The following TENM2 variants were observed in gnomAD, a reference collection of about 807,000 sequenced individuals.
TENM2 encodes the protein teneurin-2.
Under a neutral mutation model 245.2 loss-of-function variants are expected in TENM2, and 52 were observed. The observed-to-expected ratio is 0.21, with a 90% CI of 0.17 to 0.27. The LOEUF (loss-of-function observed/expected upper bound fraction) is 0.27, where lower values mean the gene tolerates loss of function less well. Ranked by LOEUF, TENM2 falls within the 10% of genes least tolerant of loss-of-function variation. TENM2 has a pLI of 1.00. For missense variants in TENM2, 3,046 were observed against 3,666.8 expected, an observed-to-expected ratio of 0.83 and a Z score of 4.37; for synonymous variants, 1,363 against 1,438.9, an observed-to-expected ratio of 0.95 and a Z score of 1.19.
At chr5:167,398,434 A>G (rs1381563846) in intron 2 of TENM2, among the ~76,000 whole-genome samples, 3 of 65,610 alleles carry the variant, frequency 4.6e-5, no homozygotes, top group Admixed American at 1.7e-4. Flanking sequence ...CTTTCTTACT[A>G]TTTTTTTTTT....
At chr5:167,686,513 G>A (rs775531088) in intron 2 of TENM2, among the ~76,000 whole-genome samples, 17 of 152,136 alleles carry the variant, frequency 1.1e-4, no homozygotes, top group Non-Finnish European at 2.1e-4. Flanking sequence ...CTGGTTCACC[G>A]AGGGCTTTAA....
chr5:167,429,610 T>C lies in TENM2; in HGVS notation c.502+54137T>C, dbSNP rs988082683. On this transcript the variant is annotated intron_variant, in intron 2 of 28. Transcript: ENST00000518659. ...TTCTCTTTCTCTCTCTCTCTCTCTT[T>C]TTTTTTTTTTTTTTTTTTTGACTTA... Among the ~76,000 whole-genome samples the C allele has an allele frequency of 1.1e-3, 155 of 140,300 alleles. 1 individual carries two copies. In the South Asian group the frequency reaches 0.027, roughly 24 times the overall value. 92.0% of individuals were successfully genotyped at this position (140,300 alleles called of 152,430 possible). A position where few individuals can be genotyped will look rare whatever the true frequency, so the allele number is the denominator to read the frequency against.
At chr5:167,118,785 G>A in the TENM2 span, among the ~76,000 whole-genome samples, 3 of 152,156 alleles carry the variant, frequency 2.0e-5, no homozygotes, top group Admixed American at 2.0e-4. Flanking sequence ...AGGGTAGTAC[G>A]GAGTTCTGTG....
exon 29 of TENM2, chr5:168,262,835 G>C (rs184692053): frequency 1.3e-6 from 2 of 1,561,896 alleles, no homozygotes; most frequent in Admixed American, 1.8e-5. Flanking sequence ...GCCATTCCTT[G>C]TCTGAATGGC....
At chr5:167,765,207 AT>A (rs1762931591) in intron 2 of TENM2, among the ~76,000 whole-genome samples, 1 of 152,206 alleles carries the variant, frequency 6.6e-6, no homozygotes, top group Non-Finnish European at 1.5e-5. Flanking sequence ...ACCTTAAAAT[AT>A]GCAGATGGAA....
intron 2 of TENM2, among the ~76,000 whole-genome samples, chr5:167,667,037 GAC>G (rs1032467678): frequency 9.2e-5 from 14 of 152,132 alleles, no homozygotes; most frequent in African/African-American, 3.4e-4. Flanking sequence ...AATAATGTAA[GAC>G]ACTCAAATAT....
intron 3 of TENM2, among the ~76,000 whole-genome samples, chr5:167,907,437 G>T (rs1381788690): frequency 1.4e-5 from 2 of 147,694 alleles, no homozygotes; most frequent in Non-Finnish European, 3.0e-5. Flanking sequence ...TGATTAAAAG[G>T]TCCAAATAAT....
intron 2 of TENM2, among the ~76,000 whole-genome samples, chr5:167,765,619 A>G (rs1318778512): frequency 1.3e-5 from 2 of 152,174 alleles, no homozygotes; most frequent in Non-Finnish European, 2.9e-5. Context: ...AGCAAGTTAG[A>G]GCTTTTATAT....
intron 2 of TENM2, among the ~76,000 whole-genome samples, chr5:167,497,099 A>T (rs542328689): frequency 1.3e-5 from 2 of 152,104 alleles, no homozygotes; most frequent in African/African-American, 4.8e-5. Context: ...GGACCATGTT[A>T]TGATATTAAA....
Position 167,342,507 on chromosome 5 carries a change from C to CTTTTTTTTTTTTTT in TENM2, c.227-32673_227-32660dup, listed in dbSNP as rs35451881. ...CAGGTTTCTCAACTGTAAAGTTATT[C>CTTTTTTTTTTTTTT]TTTTTTTTTTTTTTTTTTTTTTTTT... On this transcript the variant is annotated intron_variant, in intron 1 of 28. Transcript: ENST00000518659. Among the ~76,000 whole-genome samples the CTTTTTTTTTTTTTT allele has an allele frequency of 1.7e-4, 9 of 54,280 alleles. 3 individuals carry two copies. The highest frequency in any genetic ancestry group is 3.2e-4 in the African/African-American group (4 of 12,436). The allele number at this position is 54,280 out of a possible 152,430, so 35.6% of individuals were successfully genotyped here. A position where few individuals can be genotyped will look rare whatever the true frequency, so the allele number is the denominator to read the frequency against.
intron 5 of TENM2, among the ~76,000 whole-genome samples, chr5:168,011,100 G>A (rs1289715538): frequency 2.0e-5 from 3 of 152,222 alleles, no homozygotes; most frequent in Non-Finnish European, 4.4e-5. Context: ...CTGCAGTCCG[G>A]ATAGAGTAAT....
At chr5:167,844,376 A>G (rs1347561647) in intron 2 of TENM2, among the ~76,000 whole-genome samples, 1 of 152,250 alleles carries the variant, frequency 6.6e-6, no homozygotes, top group Admixed American at 6.5e-5. Context: ...GTGCTAGAGT[A>G]AGACAAATTG....
chr5:168,240,081 A>G (rs981967746), intron 25 of TENM2, among the ~76,000 whole-genome samples: 3 of 152,194 alleles, frequency 2.0e-5, no homozygotes, highest in Admixed American at 1.3e-4. Context: ...TTAGCCAGGC[A>G]TGGTGGTGCA....
chr5:167,394,373 G>A (rs1480985768), intron 2 of TENM2, among the ~76,000 whole-genome samples: 1 of 152,046 alleles, frequency 6.6e-6, no homozygotes, highest in Non-Finnish European at 1.5e-5. Flanking sequence ...TTTTTGAGGA[G>A]ACTATCCTTT....
intron 2 of TENM2, among the ~76,000 whole-genome samples, chr5:167,493,131 A>G (rs1187474575): frequency 6.6e-6 from 1 of 152,052 alleles, no homozygotes; most frequent in East Asian, 1.9e-4. Context: ...TCATTCATTC[A>G]AGAAACCTTT....
Position 167,846,806 on chromosome 5 carries a change from C to A in TENM2, c.503-29180C>A, listed in dbSNP as rs1246682461. Reference sequence around the variant, plus strand: ...GGTTCACATAAATAAACTTGTCTTCCCCTCTTCTACCTCCTCTGAAAGAAG... The same window carrying A: ...GGTTCACATAAATAAACTTGTCTTCACCTCTTCTACCTCCTCTGAAAGAAG... On this transcript the variant is annotated intron_variant, in intron 2 of 28. Coordinates refer to ENST00000518659, the Ensembl canonical transcript of TENM2. Among the ~76,000 whole-genome samples the A allele has an allele frequency of 2.6e-5, 4 of 152,144 alleles. No homozygotes were observed. The East Asian group carries it at 7.7e-4, about 29-fold the overall frequency.
chr5:166,994,696 T>C, the TENM2 span, among the ~76,000 whole-genome samples: 2 of 152,198 alleles, frequency 1.3e-5, no homozygotes, highest in Non-Finnish European at 2.9e-5. Context: ...GAGGGTACTC[T>C]AGGAACTGAA....
chr5:167,482,738 A>C (rs1303417448), intron 2 of TENM2, among the ~76,000 whole-genome samples: 2 of 152,210 alleles, frequency 1.3e-5, no homozygotes, highest in Non-Finnish European at 2.9e-5. Flanking sequence ...GACTTAAGTC[A>C]TTAAGCTCTG....
At chr5:167,987,821 C>G (rs568991196) in intron 4 of TENM2, among the ~76,000 whole-genome samples, 1 of 152,156 alleles carries the variant, frequency 6.6e-6, no homozygotes, top group African/African-American at 2.4e-5. Flanking sequence ...TCACTTCTAT[C>G]GAATCTTTCT....
Sources: allele counts gnomAD v4.1 joint callset (sites outside exome capture counted in the v4.1 genomes callset), GRCh38; gene constraint gnomAD v4.1.1; transcripts MANE v1.5; gene names NCBI Gene and HGNC (gene_info 2026-07-23, HGNC 2026-07-21).